ARMC2: variants seen among roughly 807,000 people sequenced by gnomAD.
The protein encoded by ARMC2 is armadillo repeat-containing protein 2.
A neutral mutation model predicts 90.3 loss-of-function variants in ARMC2; 67 were observed. That is an observed-to-expected ratio of 0.74 (90% CI 0.61 to 0.91). ARMC2 has a LOEUF of 0.91. Ranked by LOEUF, ARMC2 falls within the 40% of genes least tolerant of loss-of-function variation. The probability of loss-of-function intolerance (pLI) is 0.00; values close to 1 mark genes in which losing one functional copy is unlikely to be tolerated. For synonymous variants in ARMC2, 393 were observed against 393.0 expected (o/e 1.00, Z 0.00); for missense variants, 920 against 1,030.9 (o/e 0.89, Z 1.47).
intron 17 of ARMC2, among the ~76,000 whole-genome samples, chr6:108,970,895 C>A (rs1325937602): frequency 6.6e-6 from 1 of 152,156 alleles, no homozygotes. Context: ...TTCAGAAAAT[C>A]TGGAAAACAG....
At chr6:108,863,869 G>A (rs1488995554) in intron 3 of ARMC2, among the ~76,000 whole-genome samples, 5 of 152,228 alleles carry the variant, frequency 3.3e-5, no homozygotes, top group Admixed American at 6.5e-5. Flanking sequence ...CTCAGAATCC[G>A]CCACCATGGC....
chr6:109,005,096 A>G, the ARMC2 span, among the ~76,000 whole-genome samples: 2 of 152,240 alleles, frequency 1.3e-5, no homozygotes, highest in Non-Finnish European at 2.9e-5. Flanking sequence ...ATGTGCTCAC[A>G]TTTGTGAAAT....
At chr6:108,983,331 A>G in the ARMC2 span, among the ~76,000 whole-genome samples, 1 of 152,008 alleles carries the variant, frequency 6.6e-6, no homozygotes, top group Non-Finnish European at 1.5e-5. Context: ...TTTCTGTGTC[A>G]TATCTAAGAA....
chr6:108,961,863 A>C lies in ARMC2; in HGVS notation c.2039-151A>C, dbSNP rs556731662. 131 of 1,015,720 alleles carry C rather than the reference A, an allele frequency of 1.3e-4. No individual in the cohort carries two copies. The South Asian group carries it at 2.1e-3, about 16-fold the overall frequency. The allele number at this position is 1,015,720 out of a possible 1,614,324, so 62.9% of individuals were successfully genotyped here. Reference sequence around the variant, plus strand: ...ATATGGGGAAACTAGAAATGGGAAAAATTAGTTTCTTAGTTCTTGCTAAAG... The same window carrying C: ...ATATGGGGAAACTAGAAATGGGAAACATTAGTTTCTTAGTTCTTGCTAAAG... On this transcript the variant is annotated intron_variant, in intron 14 of 17. Coordinates refer to ENST00000392644, the MANE Select transcript of ARMC2 (RefSeq NM_032131.6).
chr6:108,894,024 T>C (rs1421478161), intron 5 of ARMC2, among the ~76,000 whole-genome samples: 2 of 151,938 alleles, frequency 1.3e-5, no homozygotes, highest in Non-Finnish European at 2.9e-5. Context: ...AAAACCCACA[T>C]ATAGAGCACC....
At chr6:108,968,764 T>C (rs557119225) in intron 17 of ARMC2, among the ~76,000 whole-genome samples, 2 of 152,228 alleles carry the variant, frequency 1.3e-5, no homozygotes, top group East Asian at 1.9e-4. Flanking sequence ...TGTTGAAGTA[T>C]GAACACTGTT....
At chr6:109,030,205 C>G in the ARMC2 span, among the ~76,000 whole-genome samples, 1 of 152,128 alleles carries the variant, frequency 6.6e-6, no homozygotes, top group Admixed American at 6.5e-5. Context: ...TAGTACATAA[C>G]AAGAAAGCCA....
rs554488637 is a variant in ARMC2, at chr6:108,953,169, T to G, written c.1733T>G (p.Leu578Arg). The change falls in exon 13 of 18, where the codon CTG becomes CGG. Residue 578 changes from leucine to arginine, a missense_variant. Transcript: ENST00000392644. ...SLFQTFHQLDLHSQKPVGQRG... is the reference protein window; with the variant it reads ...SLFQTFHQLDRHSQKPVGQRG... ...TTCCAGACGTTCCATCAGCTGGATC[T>G]GCATTCCCAGAAGCCGGTGGGCCAA... 39 of 1,613,962 alleles carry G rather than the reference T, an allele frequency of 2.4e-5. No homozygotes were observed. In the South Asian group the frequency reaches 3.8e-4, roughly 16 times the overall value.
At chr6:109,001,827 C>T in the ARMC2 span, among the ~76,000 whole-genome samples, 1 of 152,290 alleles carries the variant, frequency 6.6e-6, no homozygotes, top group East Asian at 1.9e-4. Context: ...AAACCGCCTA[C>T]TCTCACTCAA....
At chr6:108,862,683 T>C (rs1237539107) in intron 3 of ARMC2, among the ~76,000 whole-genome samples, 1 of 151,960 alleles carries the variant, frequency 6.6e-6, no homozygotes, top group Non-Finnish European at 1.5e-5. Flanking sequence ...GAGAAGGAGA[T>C]AACTGGAGAG....
intron 12 of ARMC2, among the ~76,000 whole-genome samples, chr6:108,946,091 G>A (rs754719134): frequency 3.3e-5 from 5 of 152,216 alleles, no homozygotes; most frequent in African/African-American, 4.8e-5. Flanking sequence ...TGTACAATAC[G>A]CCCTTAGCTT....
the ARMC2 span, among the ~76,000 whole-genome samples, chr6:108,997,648 T>C: frequency 2.0e-5 from 3 of 152,208 alleles, no homozygotes; most frequent in South Asian, 6.2e-4. Context: ...ACAAAAGAAC[T>C]GAGATTCAGT....
chr6:108,979,538 T>C, the ARMC2 span, among the ~76,000 whole-genome samples: 1 of 152,136 alleles, frequency 6.6e-6, no homozygotes, highest in Non-Finnish European at 1.5e-5. Context: ...AATGTTGGCC[T>C]GCCTTGCTAG....
the ARMC2 span, among the ~76,000 whole-genome samples, chr6:109,045,534 A>C: frequency 6.6e-6 from 1 of 152,246 alleles, no homozygotes; most frequent in Non-Finnish European, 1.5e-5. Flanking sequence ...TTCTTCAAAC[A>C]CAGTAAATCT....
chr6:108,986,926 A>G, the ARMC2 span: 1 of 152,594 alleles, frequency 6.6e-6, no homozygotes, highest in South Asian at 2.1e-4. Flanking sequence ...AAACTAATGA[A>G]AGAAATTAAC....
chr6:108,902,963 T>G (rs1398413627), intron 7 of ARMC2, among the ~76,000 whole-genome samples: 2 of 151,814 alleles, frequency 1.3e-5, no homozygotes, highest in African/African-American at 4.8e-5. Flanking sequence ...AGATTAGGAG[T>G]TTGAGACCAG....
chr6:108,987,706 C>T, the ARMC2 span: 4 of 774,978 alleles, frequency 5.2e-6, no homozygotes, highest in South Asian at 1.5e-5. Flanking sequence ...ATCTAATGAA[C>T]ACATAAAATA....
At chr6:108,998,382 AATAG>A in the ARMC2 span, 1 of 1,001,152 alleles carries the variant, frequency 1.0e-6, no homozygotes, top group African/African-American at 1.6e-5. Context: ...CTACTGAATG[AATAG>A]ATATAGGGGC....
At position 108,953,368 on chromosome 6, in the gene ARMC2, A is replaced by G; in HGVS notation, c.1915+17A>G. 1 of 1,581,738 alleles carries G rather than the reference A, an allele frequency of 6.3e-7. No individual in the cohort carries two copies. The highest frequency in any genetic ancestry group is 8.6e-7 in the Non-Finnish European group (1 of 1,166,976). On this transcript the variant is annotated intron_variant, in intron 13 of 17. Coordinates refer to ENST00000392644, the MANE Select transcript of ARMC2 (RefSeq NM_032131.6). ...CCACGCTGGGTGAGAACCGCAGCCC[A>G]CTGGCTGCAGCAGACACAACCAACT... is the stretch of plus-strand genomic sequence containing the variant.
Sources: gnomAD v4.1 joint callset for allele counts (sites outside exome capture counted in the v4.1 genomes callset) on GRCh38, gnomAD v4.1.1 for gene constraint, MANE v1.5 for transcripts, NCBI Gene and HGNC (gene_info 2026-07-23, HGNC 2026-07-21) for gene names.